Variants in MSRB3 observed in about 807,000 individuals in gnomAD.
MSRB3 encodes the protein methionine-R-sulfoxide reductase B3.
Under a neutral mutation model 21.0 loss-of-function variants are expected in MSRB3, and 13 were observed. That is an observed-to-expected ratio of 0.62 (90% CI 0.40 to 0.98). The LOEUF (loss-of-function observed/expected upper bound fraction) is 0.98, where lower values mean the gene tolerates loss of function less well. Among genes scored for constraint, MSRB3 ranks in the 50% least tolerant of loss-of-function variants. The probability of loss-of-function intolerance (pLI) is 0.00; values close to 1 mark genes in which losing one functional copy is unlikely to be tolerated. For synonymous variants in MSRB3, 87 were observed against 88.6 expected (o/e 0.98, Z 0.10); for missense variants, 199 against 230.3 (o/e 0.86, Z 0.88).
At chr12:65,404,546 T>A (rs1880306773) in intron 5 of MSRB3, among the ~76,000 whole-genome samples, 1 of 152,208 alleles carries the variant, frequency 6.6e-6, no homozygotes, top group Non-Finnish European at 1.5e-5. Context: ...ATGCTCTTTG[T>A]TTACATAGAT....
At chr12:65,409,714 A>G (rs1880616852) in intron 5 of MSRB3, among the ~76,000 whole-genome samples, 1 of 152,154 alleles carries the variant, frequency 6.6e-6, no homozygotes, top group South Asian at 2.1e-4. Context: ...TATGTGTTAC[A>G]TTATACTTCA....
chr12:65,465,510 G>A lies in MSRB3; in HGVS notation c.*2188G>A, dbSNP rs756989459. ...AGAATGAAAATCTGTGACAAACAGC[G>A]TCAGTGTGGCCATGTCCACATTCCT... is the stretch of plus-strand genomic sequence containing the variant. On this transcript the variant is annotated 3_prime_UTR_variant, in exon 7 of 7. Coordinates refer to ENST00000308259, the MANE Select transcript of MSRB3 (RefSeq NM_001031679.3). 2 of 152,146 alleles carry A rather than the reference G, an allele frequency of 1.3e-5. No homozygotes were observed. Among genetic ancestry groups the A allele is most frequent in the African/African-American group, 2.4e-5 (1 of 41,426 alleles). The allele number at this position is 152,146 out of a possible 1,614,324, so 9.4% of individuals were successfully genotyped here.
At chr12:65,416,965 C>A (rs1881014969) in intron 5 of MSRB3, among the ~76,000 whole-genome samples, 1 of 152,076 alleles carries the variant, frequency 6.6e-6, no homozygotes, top group Admixed American at 6.6e-5. Context: ...CATATATGAT[C>A]CATTTTATCC....
At chr12:65,418,518 C>G (rs1236384259) in intron 5 of MSRB3, among the ~76,000 whole-genome samples, 1 of 151,810 alleles carries the variant, frequency 6.6e-6, no homozygotes, top group African/African-American at 2.4e-5. Flanking sequence ...CTATTTTTGC[C>G]TTTGTTGCTT....
At chr12:65,368,264 G>C (rs535069578) in intron 4 of MSRB3, among the ~76,000 whole-genome samples, 1 of 152,270 alleles carries the variant, frequency 6.6e-6, no homozygotes, top group East Asian at 1.9e-4. Context: ...ATATACTATT[G>C]ATTGTTGATG....
At chr12:65,387,222 G>A (rs1161629595) in intron 5 of MSRB3, among the ~76,000 whole-genome samples, 2 of 151,892 alleles carry the variant, frequency 1.3e-5, no homozygotes, top group Non-Finnish European at 2.9e-5. Context: ...TGCAAATAAT[G>A]GCTAAAGAGT....
intron 6 of MSRB3, chr12:65,454,170 C>G (rs1882986173): frequency 7.4e-6 from 3 of 406,764 alleles, no homozygotes; most frequent in African/African-American, 7.4e-5. Flanking sequence ...GCCTGTAGTT[C>G]TAGCTACTCA....
rs74099843 is a variant in MSRB3, at chr12:65,465,792, G to T, written c.*2470G>T. ...TTAAGACCAGACCTCAGCCATCAGC[G>T]TCCAGACCATCCTAGAAGTCTTTCC... On this transcript the variant is annotated 3_prime_UTR_variant, in exon 7 of 7. Transcript: ENST00000308259. 1 of 152,148 alleles carries T rather than the reference G, an allele frequency of 6.6e-6. No homozygotes were observed. The highest frequency in any genetic ancestry group is 1.5e-5 in the Non-Finnish European group (1 of 68,062). 9.4% of individuals were successfully genotyped at this position (152,148 alleles called of 1,614,324 possible).
intron 5 of MSRB3, among the ~76,000 whole-genome samples, chr12:65,421,588 T>C (rs1005407191): frequency 1.3e-5 from 2 of 152,250 alleles, no homozygotes; most frequent in African/African-American, 2.4e-5. Flanking sequence ...AGGGTTTTTA[T>C]AGTTTTGGGT....
At chr12:65,417,099 A>G (rs1881021241) in intron 5 of MSRB3, among the ~76,000 whole-genome samples, 1 of 152,178 alleles carries the variant, frequency 6.6e-6, no homozygotes, top group Non-Finnish European at 1.5e-5. Context: ...CCTCTTTACT[A>G]CTTTCCAAAT....
At chr12:65,387,353 G>A (rs1030145712) in intron 5 of MSRB3, among the ~76,000 whole-genome samples, 24 of 151,706 alleles carry the variant, frequency 1.6e-4, no homozygotes, top group East Asian at 1.9e-4. Flanking sequence ...ACTGACAGTC[G>A]CTGAGTGTTA....
At chr12:65,385,171 C>T (rs544246474) in intron 5 of MSRB3, among the ~76,000 whole-genome samples, 7 of 151,896 alleles carry the variant, frequency 4.6e-5, no homozygotes, top group South Asian at 2.1e-4. Context: ...AGCCTGTCTC[C>T]GAAAGGATAG....
intron 4 of MSRB3, among the ~76,000 whole-genome samples, chr12:65,352,261 C>G (rs1877060187): frequency 6.6e-6 from 1 of 152,084 alleles, no homozygotes; most frequent in Non-Finnish European, 1.5e-5. Flanking sequence ...CAAAATTCAA[C>G]AACCCTTCAT....
intron 2 of MSRB3, 101 bp from the exon 3 acceptor site, chr12:65,326,725 T>A: frequency 1.2e-6 from 1 of 839,742 alleles, no homozygotes; most frequent in Non-Finnish European, 2.0e-6. Flanking sequence ...GTCTGGTCAT[T>A]GACAAGTGAC....
intron 1 of MSRB3, among the ~76,000 whole-genome samples, chr12:65,287,020 C>CA (rs35236078): frequency 0.016 from 884 of 56,596 alleles, 1 homozygote; most frequent in Non-Finnish European, 0.017. Context: ...GACCCTTTCT[C>CA]AAAAAAAAAA....
chr12:65,440,984 T>C (rs1477920368), intron 5 of MSRB3, among the ~76,000 whole-genome samples: 1 of 151,928 alleles, frequency 6.6e-6, no homozygotes, highest in African/African-American at 2.4e-5. Flanking sequence ...CAAAATAATA[T>C]GTCAAAGTGT....
chr12:65,400,036 T>G (rs989451138), intron 5 of MSRB3, among the ~76,000 whole-genome samples: 1 of 152,212 alleles, frequency 6.6e-6, no homozygotes, highest in Non-Finnish European at 1.5e-5. Flanking sequence ...ACATTGATGT[T>G]CATCAGGGAT....
At chr12:65,298,548 C>T (rs1873121310) in intron 1 of MSRB3, among the ~76,000 whole-genome samples, 1 of 152,142 alleles carries the variant, frequency 6.6e-6, no homozygotes, top group Non-Finnish European at 1.5e-5. Context: ...TTCCTCTCTC[C>T]TAAGCCCAAC....
chr12:65,450,832 C>T (rs899087798), intron 5 of MSRB3, among the ~76,000 whole-genome samples: 3 of 152,180 alleles, frequency 2.0e-5, no homozygotes, highest in Non-Finnish European at 4.4e-5. Context: ...ATTTTTACAG[C>T]AGTGAAGAGT....
Sources: allele counts gnomAD v4.1 joint callset (sites outside exome capture counted in the v4.1 genomes callset), GRCh38; gene constraint gnomAD v4.1.1; transcripts MANE v1.5; gene names NCBI Gene and HGNC (gene_info 2026-07-23, HGNC 2026-07-21).